The following ITIH6 variants were observed in gnomAD, a reference collection of about 807,000 sequenced individuals.
ITIH6 encodes the protein inter-alpha-trypsin inhibitor heavy chain H6.
A neutral mutation model predicts 58.2 loss-of-function variants in ITIH6; 60 were observed. That is an observed-to-expected ratio of 1.03 (90% CI 0.84 to 1.28). The LOEUF is 1.28. Among genes scored for constraint, ITIH6 ranks in the 50% most tolerant of loss-of-function variants. The pLI is 0.00. For missense variants in ITIH6, 1,290 were observed against 1,021.1 expected (o/e 1.26, Z -3.59); for synonymous variants, 493 against 417.4 (o/e 1.18, Z -2.21).
rs747737157 is a variant in ITIH6 at position 54,758,865 on chromosome X, G to A, written c.1209C>T (p.Gly403=). 63 of 1,209,348 alleles carry A rather than the reference G, an allele frequency of 5.2e-5. No individual in the cohort carries two copies. Among genetic ancestry groups the A allele is most frequent in the Middle Eastern group, 2.3e-4 (1 of 4,368 alleles). The change falls in exon 8 of 13, where the codon GGC becomes GGT. Residue 403 remains glycine (G), a synonymous_variant. Coordinates refer to ENST00000218436, the MANE Select transcript of ITIH6 (RefSeq NM_198510.3). ...IFLTDGEPTA[G]VTTPSVILSN... ...AGAGGATCACACTGGGGGTCGTCACGCCGGCCGTGGGCTCCCCATCCGTCA... is the reference window on the plus strand; with the variant it reads ...AGAGGATCACACTGGGGGTCGTCACACCGGCCGTGGGCTCCCCATCCGTCA...
In ITIH6 at chrX:54,758,575, C is replaced by G. The variant is rs755287732; in HGVS notation, c.1499G>C (p.Gly500Ala). The G allele has an allele frequency of 8.3e-7, 1 of 1,210,703 alleles. No homozygotes were observed. Among genetic ancestry groups the G allele is most frequent in the East Asian group, 3.0e-5 (1 of 33,802 alleles). Residue 500 changes from glycine to alanine, a missense_variant, in exon 8 of 13, where the codon GGC becomes GCC. Physicochemically the swap from Gly to Ala is moderately conservative, Grantham distance 60. Transcript: ENST00000218436. The stretch of plus-strand genomic sequence containing the variant: ...CTGTCCTGCCACCACCAGCTCAGAG[C>G]CACCAAAGTAGTTGGGGAAAACGGC... ...PWAVFPNYFGGSELVVAGQVQ... is the reference protein window; with the variant it reads ...PWAVFPNYFGASELVVAGQVQ...
At chrX:54,761,431 C>G (rs1350606378) in intron 6 of ITIH6, among the ~76,000 whole-genome samples, 1 of 111,082 alleles carries the variant, frequency 9.0e-6, no homozygotes, top group Non-Finnish European at 1.9e-5. Flanking sequence ...TGCAGAAGCT[C>G]TTTAGTTTAA....
chrX:54,789,803 G>A (rs1384210608), intron 4 of ITIH6, among the ~76,000 whole-genome samples: 1 of 113,022 alleles, frequency 8.8e-6, no homozygotes, highest in Non-Finnish European at 1.9e-5. Context: ...TAATGCTAAT[G>A]AGTAGAATGA....
In ITIH6 at chrX:54,755,038, T is replaced by A. The variant is rs1398506556; in HGVS notation, c.3181A>T (p.Ser1061Cys). The A allele has an allele frequency of 8.3e-7, 1 of 1,210,326 alleles. No homozygotes were observed. Among genetic ancestry groups the A allele is most frequent in the Admixed American group, 2.2e-5 (1 of 46,039 alleles). Reference protein sequence around the residue: ...GAGGSMESQGSSVGLAKGTLP... With the variant: ...GAGGSMESQGCSVGLAKGTLP... ...TCACCTTTTGCTAACCCCACAGAAC[T>A]TCCTTGAGATTCCATGCTGCCTCCA... The change falls in exon 9 of 13, where the codon AGT becomes TGT. Residue 1061 changes from serine to cysteine, a missense_variant. Transcript: ENST00000218436.
chrX:54,782,241 A>G (rs189929726), intron 5 of ITIH6, among the ~76,000 whole-genome samples: 24 of 110,606 alleles, frequency 2.2e-4, no homozygotes, highest in Non-Finnish European at 5.7e-5. Flanking sequence ...ACATGGAGAA[A>G]CCCCATCTCT....
At chrX:54,793,379 T>C (rs747508286) in intron 2 of ITIH6, among the ~76,000 whole-genome samples, 1 of 111,471 alleles carries the variant, frequency 9.0e-6, no homozygotes, top group Admixed American at 9.5e-5. Context: ...CACCTCAAGC[T>C]GAACAGATCC....
intron 5 of ITIH6, among the ~76,000 whole-genome samples, chrX:54,781,918 T>A (rs1929156631): frequency 8.9e-6 from 1 of 111,870 alleles, no homozygotes; most frequent in African/African-American, 3.2e-5. Flanking sequence ...ACAATGAGAT[T>A]ATGTTTTTAA....
At chrX:54,751,532 C>CAGGAAGGAGCAG in intron 11 of ITIH6, 152 bp from the exon 12 acceptor site, 1 of 627,698 alleles carries the variant, frequency 1.6e-6, no homozygotes, top group African/African-American at 2.2e-5. Flanking sequence ...CCTGGCTGCT[C>CAGGAAGGAGCAG]CTTCCTGAGC....
chrX:54,780,590 T>C (rs1243760792), intron 5 of ITIH6, among the ~76,000 whole-genome samples: 1 of 111,410 alleles, frequency 9.0e-6, no homozygotes, highest in Admixed American at 9.5e-5. Context: ...AACAACATAA[T>C]GATGCATCTT....
chrX:54,756,809 A>AAAGCAAGCAAGC lies in ITIH6; in HGVS notation c.3109+144_3109+155dup, dbSNP rs555076681. On this transcript the variant is annotated intron_variant, in intron 8 of 12. Transcript: ENST00000218436. Reference sequence around the variant, plus strand: ...AGTTAAGTAACTTGTCCAAAGTCCCAAAGCAAGCAAGCAAGCAAGCAAGCA... The same window carrying AAAGCAAGCAAGC: ...AGTTAAGTAACTTGTCCAAAGTCCCAAAGCAAGCAAGCAAGCAAGCAAGCAAGCAAGCAAGCA... Among the ~76,000 whole-genome samples the AAAGCAAGCAAGC allele has an allele frequency of 6.0e-3, 647 of 108,044 alleles. 8 individuals carry two copies. The highest frequency in any genetic ancestry group is 0.02 in the African/African-American group (585 of 28,574). 93.8% of individuals were successfully genotyped at this position (108,044 alleles called of 115,157 possible). A position where few individuals can be genotyped will look rare whatever the true frequency, so the allele number is the denominator to read the frequency against.
chrX:54,779,509 A>G (rs746092348), intron 5 of ITIH6, among the ~76,000 whole-genome samples: 1 of 111,464 alleles, frequency 9.0e-6, no homozygotes, highest in African/African-American at 3.3e-5. Flanking sequence ...TACAGGCCTC[A>G]TGGTAACCTC....
At position 54,791,187 on chromosome X, in the gene ITIH6, C is replaced by T. The variant is rs188942151; in HGVS notation, c.369-103G>A. 8.3e-5 allele frequency: 69 copies of T among 830,987 alleles called. No homozygotes were observed. The East Asian group carries it at 9.3e-4, about 11-fold the overall frequency. The allele number at this position is 830,987 out of a possible 1,213,427, so 68.5% of individuals were successfully genotyped here. Reference sequence around the variant, plus strand: ...TGCTCCCCCCAACCCTGGTCCCAGCCGACCTGACTAGGCTTCTGGTTCAAC... The same window carrying T: ...TGCTCCCCCCAACCCTGGTCCCAGCTGACCTGACTAGGCTTCTGGTTCAAC... On this transcript the variant is annotated intron_variant, in intron 3 of 12. Transcript: ENST00000218436.
chrX:54,771,403 G>C (rs1602060410), intron 6 of ITIH6, among the ~76,000 whole-genome samples: 1 of 110,957 alleles, frequency 9.0e-6, no homozygotes, highest in Admixed American at 9.6e-5. Context: ...TTGTTTTTTA[G>C]CTTCAGGAAT....
intron 7 of ITIH6, among the ~76,000 whole-genome samples, 164 bp downstream of exon 7, chrX:54,759,592 T>A (rs1026232833): frequency 9.0e-6 from 1 of 111,561 alleles, no homozygotes; most frequent in Non-Finnish European, 1.9e-5. Context: ...AAGGAAAGGG[T>A]GATGGGAGAA....
At chrX:54,779,621 A>T (rs1929113368) in intron 5 of ITIH6, among the ~76,000 whole-genome samples, 1 of 111,435 alleles carries the variant, frequency 9.0e-6, no homozygotes, top group Non-Finnish European at 1.9e-5. Flanking sequence ...CAGGAAGGAA[A>T]AAAAAGGATG....
At chrX:54,779,931 G>A (rs938944425) in intron 5 of ITIH6, among the ~76,000 whole-genome samples, 1 of 111,373 alleles carries the variant, frequency 9.0e-6, no homozygotes, top group African/African-American at 3.3e-5. Context: ...AGACAAAGAA[G>A]GTAGCAATAT....
intron 8 of ITIH6, 151 bp from the exon 9 acceptor site, chrX:54,755,260 C>T (rs1336197786): frequency 3.8e-5 from 17 of 449,597 alleles, no homozygotes; most frequent in Non-Finnish European, 6.6e-5. Flanking sequence ...CTCTTAATCT[C>T]TCAAGCTCAG....
chrX:54,791,926 C>G lies in ITIH6; in HGVS notation c.368G>C (p.Arg123Thr), dbSNP rs748385932. The change falls in exon 3 of 13, where the codon AGG becomes ACG. Residue 123 changes from arginine to threonine, a missense_variant and splice_region_variant. By Grantham distance (71) the Arg-to-Thr change is moderately conservative. Transcript: ENST00000218436. ...TGTTTTGGACTGGATGGGGCCTTAC[C>G]TGATGCCTACATGAGCAGCTGTCTT... ...QGKTAAHVGI[R>T]DRESEKFRIS... The G allele has an allele frequency of 1.9e-5, 21 of 1,086,084 alleles. No individual in the cohort carries two copies. Among genetic ancestry groups the G allele is most frequent in the Non-Finnish European group, 2.4e-5 (19 of 782,373 alleles). The allele number at this position is 1,086,084 out of a possible 1,213,427, so 89.5% of individuals were successfully genotyped here.
chrX:54,754,399 T>A, intron 9 of ITIH6, among the ~76,000 whole-genome samples: 1 of 112,105 alleles, frequency 8.9e-6, no homozygotes, highest in East Asian at 2.8e-4. Flanking sequence ...ATAGGTTATT[T>A]CATGTGACCC....
Sources: allele counts gnomAD v4.1 joint callset (sites outside exome capture counted in the v4.1 genomes callset), GRCh38; gene constraint gnomAD v4.1.1; transcripts MANE v1.5; gene names NCBI Gene and HGNC (gene_info 2026-07-23, HGNC 2026-07-21).